The following ENOSF1 variants were observed in gnomAD, a reference collection of about 807,000 sequenced individuals.
The protein encoded by ENOSF1 is mitochondrial enolase superfamily member 1.
Under a neutral mutation model 68.2 loss-of-function variants are expected in ENOSF1, and 73 were observed. That is an observed-to-expected ratio of 1.07 (90% CI 0.89 to 1.30). The LOEUF is 1.30. Among genes scored for constraint, ENOSF1 ranks in the 50% most tolerant of loss-of-function variants. The probability of loss-of-function intolerance (pLI) is 0.00; values close to 1 mark genes in which losing one functional copy is unlikely to be tolerated. For synonymous variants in ENOSF1, 223 were observed against 210.4 expected, an observed-to-expected ratio of 1.06 and a Z score of -0.52; for missense variants, 589 against 554.5, an observed-to-expected ratio of 1.06 and a Z score of -0.62.
At chr18:668,517 T>A (rs919043223), downstream of ENOSF1, among the ~76,000 whole-genome samples, 2 of 152,172 alleles carry the variant, frequency 1.3e-5, no homozygotes, top group Non-Finnish European at 2.9e-5. Context: ...GTCAGTCGTG[T>A]GTTGAGCTGC....
intron 2 of ENOSF1, among the ~76,000 whole-genome samples, chr18:698,594 T>C (rs899811986): frequency 6.6e-6 from 1 of 151,706 alleles, no homozygotes; most frequent in African/African-American, 2.4e-5. Context: ...GGGTCGGCAT[T>C]ACCATCAATT....
At chr18:712,258 C>T (rs1193686763) in intron 1 of ENOSF1, 3 of 1,524,132 alleles carry the variant, frequency 2.0e-6, no homozygotes. Flanking sequence ...GGCGCGCCTC[C>T]CACTTTACAG....
At position 683,999 on chromosome 18, in the gene ENOSF1, CTTTTTT is replaced by C. The variant is rs56675684; in HGVS notation, c.742-625_742-620del. Among the ~76,000 whole-genome samples the C allele has an allele frequency of 4.2e-5, 6 of 144,074 alleles. No homozygotes were observed. The South Asian group carries it at 6.7e-4, about 16-fold the overall frequency. The allele number at this position is 144,074 out of a possible 152,430, so 94.5% of individuals were successfully genotyped here. On this transcript the variant is annotated intron_variant, in intron 10 of 15. Transcript: ENST00000647584. Reference sequence around the variant, plus strand: ...AAGCCCGTGGATTTCTTTTCTTTTTCTTTTTTTTTTTTGAGACAGAGTCTCGCTCTG... The same window carrying C: ...AAGCCCGTGGATTTCTTTTCTTTTTCTTTTTTGAGACAGAGTCTCGCTCTG...
chr18:668,230 T>G (rs2074894592), downstream of ENOSF1, among the ~76,000 whole-genome samples: 1 of 149,752 alleles, frequency 6.7e-6, no homozygotes, highest in Non-Finnish European at 1.5e-5. Flanking sequence ...AAGGTTCATC[T>G]TTTTAAAATC....
intron 8 of ENOSF1, among the ~76,000 whole-genome samples, chr18:688,869 ATCTC>A (rs984614159): frequency 2.0e-5 from 3 of 152,002 alleles, no homozygotes; most frequent in South Asian, 2.1e-4. Context: ...GATAGCACTG[ATCTC>A]TCTCTTTTTA....
rs12958458 is a variant in ENOSF1 at position 671,834 on chromosome 18, C to T, written c.*2471G>A. The T allele has an allele frequency of 0.13, 28,193 of 223,004 alleles. 1,995 individuals are homozygous for T. Among genetic ancestry groups the T allele is most frequent in the Non-Finnish European group, 0.15 (16,663 of 113,868 alleles). The allele number at this position is 223,004 out of a possible 1,614,324, so 13.8% of individuals were successfully genotyped here. ...TCTCTGTCGGCCAGGCTGGAGTGTG[C>T]CGTGGTGCGATCTCAGCTCACTGCA... On this transcript the variant is annotated 3_prime_UTR_variant, in exon 16 of 16. Transcript: ENST00000647584.
chr18:697,162 A>C, intron 3 of ENOSF1, 78 bp downstream of exon 3: 1 of 950,604 alleles, frequency 1.1e-6, no homozygotes, highest in Non-Finnish European at 1.7e-6. Context: ...CTCTATTTTC[A>C]CATTCGTTGC....
intron 1 of ENOSF1, chr18:707,453 G>T (rs2079059300): frequency 6.6e-6 from 1 of 152,192 alleles, no homozygotes; most frequent in South Asian, 2.1e-4. Context: ...CATAAAATTG[G>T]AGTGATCTCA....
intron 11 of ENOSF1, among the ~76,000 whole-genome samples, chr18:679,272 T>C (rs1313003460): frequency 6.7e-6 from 1 of 149,510 alleles, no homozygotes; most frequent in East Asian, 2.0e-4. Context: ...TGCAGTGGCA[T>C]GATCTTAGCT....
At chr18:667,071 T>A (rs867337707), downstream of ENOSF1, among the ~76,000 whole-genome samples, 1 of 49,668 alleles carries the variant, frequency 2.0e-5, no homozygotes, top group African/African-American at 1.7e-4. Flanking sequence ...ATGGTGATGG[T>A]GATGGAGATG....
At chr18:691,337 T>A (rs949935093) in intron 5 of ENOSF1, 61 bp from the exon 6 acceptor site, 27 of 1,402,068 alleles carry the variant, frequency 1.9e-5, no homozygotes, top group Middle Eastern at 1.9e-4. Flanking sequence ...TATATTTTGT[T>A]TTTTAAAATT....
chr18:694,816 C>CT (rs386386822), intron 3 of ENOSF1, among the ~76,000 whole-genome samples: 50 of 150,114 alleles, frequency 3.3e-4, no homozygotes, highest in African/African-American at 1.1e-3. Context: ...CTTTCTCTCT[C>CT]TCTATATATA....
At chr18:696,392 T>C (rs1203215494) in intron 3 of ENOSF1, among the ~76,000 whole-genome samples, 2 of 151,986 alleles carry the variant, frequency 1.3e-5, no homozygotes, top group Non-Finnish European at 2.9e-5. Flanking sequence ...TTTGTATTTT[T>C]AGTAGAGACG....
chr18:685,039 T>G (rs1245337343), intron 10 of ENOSF1, among the ~76,000 whole-genome samples: 4 of 151,920 alleles, frequency 2.6e-5, no homozygotes, highest in Non-Finnish European at 5.9e-5. Flanking sequence ...TTTTTTCTTC[T>G]TTCTTTTAGA....
rs1299315081 is a variant in ENOSF1 at position 712,627 on chromosome 18, G to C, written c.-40C>G. ...GTGGCCGCGGCCCCCGTGCGGTCAG[G>C]ACTGGTCGGGATCCCGAGCGCGCGG... is the stretch of plus-strand genomic sequence containing the variant. On this transcript the variant is annotated 5_prime_UTR_variant, in exon 1 of 16. Transcript: ENST00000647584. The C allele has an allele frequency of 7.3e-7, 1 of 1,373,292 alleles. No homozygotes were observed. The highest frequency in any genetic ancestry group is 9.6e-7 in the Non-Finnish European group (1 of 1,045,804). 85.1% of individuals were successfully genotyped at this position (1,373,292 alleles called of 1,614,324 possible).
Position 677,736 on chromosome 18 carries a change from C to T in ENOSF1, c.1048+7G>A, listed in dbSNP as rs187999348. On this transcript the variant is annotated splice_region_variant and intron_variant, in intron 13 of 15. Coordinates refer to ENST00000647584, the MANE Select transcript of ENOSF1 (RefSeq NM_017512.7). The stretch of plus-strand genomic sequence containing the variant: ...GGTCTGGTCTGCAGCCGCTGCAGCA[C>T]GCTTACTTTCAAACTTTTTGGCCAT... 354 of 1,611,392 alleles carry T rather than the reference C, an allele frequency of 2.2e-4. 1 individual carries two copies. The highest frequency in any genetic ancestry group is 1.4e-3 in the Middle Eastern group (8 of 5,792).
chr18:677,227 A>G lies in ENOSF1; in HGVS notation c.1148+118T>C, dbSNP rs1598522730. On this transcript the variant is annotated intron_variant, in intron 14 of 15. Coordinates refer to ENST00000647584, the MANE Select transcript of ENOSF1 (RefSeq NM_017512.7). The stretch of plus-strand genomic sequence containing the variant: ...AAAACCAACTCCGCCTGAGAGTTAT[A>G]GGACATGCCAGCGGACAAGGTCTTA... 5.0e-6 allele frequency: 4 copies of G among 806,412 alleles called. No individual in the cohort carries two copies. In the East Asian group the frequency reaches 1.1e-4, roughly 22 times the overall value. The allele number at this position is 806,412 out of a possible 1,614,324, so 50.0% of individuals were successfully genotyped here.
chr18:692,608 A>AG, intron 5 of ENOSF1: 1 of 741,722 alleles, frequency 1.3e-6, no homozygotes, highest in Non-Finnish European at 1.6e-6. Flanking sequence ...AAAAAAAAAA[A>AG]AAGAAAGAAA....
chr18:666,993 TGATGGA>T (rs1329441123), downstream of ENOSF1, among the ~76,000 whole-genome samples: 116 of 5,870 alleles, frequency 0.02, 22 homozygotes, highest in African/African-American at 0.031. Context: ...ATGGTGATGG[TGATGGA>T]GATGGTGATG....
Sources: gnomAD v4.1 joint callset for allele counts (sites outside exome capture counted in the v4.1 genomes callset) on GRCh38, gnomAD v4.1.1 for gene constraint, MANE v1.5 for transcripts, NCBI Gene and HGNC (gene_info 2026-07-23, HGNC 2026-07-21) for gene names.